SLC37A1: variants seen among roughly 807,000 people sequenced by gnomAD.
SLC37A1 encodes the protein glucose-6-phosphate exchanger SLC37A1.
Under a neutral mutation model 75.3 loss-of-function variants are expected in SLC37A1, and 49 were observed. The ratio of observed to expected loss-of-function variants is 0.65; its 90% CI spans 0.52 to 0.83. The LOEUF is 0.83. SLC37A1 is among the 40% of genes least tolerant of loss of function. The pLI is 0.00. For synonymous variants in SLC37A1, 268 were observed against 292.1 expected (o/e 0.92, Z 0.84); for missense variants, 566 against 695.0 (o/e 0.81, Z 2.09).
chr21:42,539,469 C>A (rs772960709), intron 5 of SLC37A1, 43 bp from the exon 6 acceptor site: 2 of 1,575,734 alleles, frequency 1.3e-6, no homozygotes, highest in East Asian at 2.3e-5. Flanking sequence ...AACATTCGGG[C>A]GTGTTTGTTA....
intron 13 of SLC37A1, 47 bp from the exon 14 acceptor site, chr21:42,564,661 C>T (rs371199104): frequency 2.0e-6 from 3 of 1,517,390 alleles, no homozygotes; most frequent in African/African-American, 2.7e-5. Context: ...TCCCCGTGGG[C>T]TCATGCCCTG....
chr21:42,523,129 A>G (rs2054694232), intron 2 of SLC37A1, among the ~76,000 whole-genome samples: 3 of 152,220 alleles, frequency 2.0e-5, no homozygotes, highest in Non-Finnish European at 4.4e-5. Flanking sequence ...GCTCTTCTCA[A>G]AATCCTTCCT....
At chr21:42,530,627 CA>C (rs2054927672) in intron 3 of SLC37A1, among the ~76,000 whole-genome samples, 2 of 110,314 alleles carry the variant, frequency 1.8e-5, no homozygotes, top group African/African-American at 3.2e-5. Flanking sequence ...CACACACACA[CA>C]CACACACACA....
At chr21:42,516,278 C>T (rs1382463911) in intron 1 of SLC37A1, among the ~76,000 whole-genome samples, 1 of 152,182 alleles carries the variant, frequency 6.6e-6, no homozygotes. Flanking sequence ...AGAAGAGTGG[C>T]TGGAGGGAGG....
chr21:42,513,445 G>A (rs1168392119), upstream of SLC37A1, among the ~76,000 whole-genome samples: 2 of 152,222 alleles, frequency 1.3e-5, no homozygotes, highest in Non-Finnish European at 2.9e-5. Context: ...ATAGAAGCCG[G>A]GAGGCCAAGC....
intron 2 of SLC37A1, among the ~76,000 whole-genome samples, chr21:42,524,110 T>C (rs930735427): frequency 1.3e-5 from 2 of 152,112 alleles, no homozygotes; most frequent in Non-Finnish European, 2.9e-5. Context: ...CTTTGTCCTG[T>C]GTAGGACGCC....
chr21:42,556,194 C>A (rs2055687067), intron 10 of SLC37A1, among the ~76,000 whole-genome samples: 1 of 152,246 alleles, frequency 6.6e-6, no homozygotes. Flanking sequence ...CAGGTCCCCG[C>A]GGGCGTTTTA....
intron 14 of SLC37A1, 107 bp downstream of exon 14, chr21:42,564,900 A>C: frequency 9.4e-7 from 1 of 1,068,338 alleles, no homozygotes; most frequent in Non-Finnish European, 1.4e-6. Context: ...CTTTCCTGAC[A>C]AGCCCGCTTC....
intron 10 of SLC37A1, 21 bp from the exon 11 acceptor site, chr21:42,558,937 T>C: frequency 6.2e-7 from 1 of 1,613,688 alleles, no homozygotes; most frequent in Non-Finnish European, 8.5e-7. Flanking sequence ...TCCTTTTTGT[T>C]CCCAATGGAT....
rs2056414699 is a variant in SLC37A1 at position 42,581,160 on chromosome 21, C to A, written c.*800C>A. 1 of 152,686 alleles carries A rather than the reference C, an allele frequency of 6.5e-6. No homozygotes were observed. Among genetic ancestry groups the A allele is most frequent in the Non-Finnish European group, 1.5e-5 (1 of 68,100 alleles). The allele number at this position is 152,686 out of a possible 1,614,324, so 9.5% of individuals were successfully genotyped here. On this transcript the variant is annotated 3_prime_UTR_variant, in exon 20 of 20. Coordinates refer to ENST00000352133, the MANE Select transcript of SLC37A1 (RefSeq NM_001320537.2). ...ACAGCAGAGGTTTGGGAAGCGGTCTCCCCACCGGCACTGGGATTGGCGGGT... is the reference window on the plus strand; with the variant it reads ...ACAGCAGAGGTTTGGGAAGCGGTCTACCCACCGGCACTGGGATTGGCGGGT...
intron 18 of SLC37A1, among the ~76,000 whole-genome samples, chr21:42,578,083 C>T (rs1374892811): frequency 6.6e-6 from 1 of 152,144 alleles, no homozygotes; most frequent in African/African-American, 2.4e-5. Flanking sequence ...ATCTTTTCAC[C>T]AAAATAGACA....
intron 3 of SLC37A1, among the ~76,000 whole-genome samples, chr21:42,532,792 A>G (rs1012349987): frequency 6.6e-5 from 10 of 152,198 alleles, no homozygotes; most frequent in Non-Finnish European, 8.8e-5. Context: ...CTGAGATGCC[A>G]GGAGGTCAGC....
chr21:42,520,596 G>A (rs1009589500), intron 2 of SLC37A1, among the ~76,000 whole-genome samples: 2 of 152,108 alleles, frequency 1.3e-5, no homozygotes, highest in African/African-American at 4.8e-5. Flanking sequence ...GAAAGTTCTC[G>A]GGATAAACTG....
chr21:42,542,093 A>G (rs1031994781), intron 6 of SLC37A1, among the ~76,000 whole-genome samples: 2 of 151,834 alleles, frequency 1.3e-5, no homozygotes, highest in African/African-American at 2.4e-5. Context: ...TTGGCCCCAC[A>G]CTGTTATGAG....
At chr21:42,507,966 TG>T (rs2054399222) in intron 2 of SLC37A1, among the ~76,000 whole-genome samples, 1 of 152,114 alleles carries the variant, frequency 6.6e-6, no homozygotes, top group Admixed American at 6.5e-5. Flanking sequence ...AAAGAGGATA[TG>T]AGTAATTTCA....
Position 42,539,546 on chromosome 21 carries a change from T to TA in SLC37A1, c.386dup (p.Tyr129Ter), listed in dbSNP as rs1269523221. Residue 129 changes from tyrosine to a stop codon, truncating the protein, a stop_gained and frameshift_variant, in exon 6 of 20, where the codon TAC becomes TAAC. Coordinates refer to ENST00000352133, the MANE Select transcript of SLC37A1 (RefSeq NM_001320537.2). LOFTEE classifies it high-confidence loss of function. ...IIGERLPIRY[Y>*]LTFGMLASGA... Reference sequence around the variant, plus strand: ...TGGGGAGCGCCTGCCGATTAGGTATTACCTAACTTTCGGGATGCTCGCCAG... The same window carrying TA: ...TGGGGAGCGCCTGCCGATTAGGTATTAACCTAACTTTCGGGATGCTCGCCAG... 1 of 1,613,776 alleles carries TA rather than the reference T, an allele frequency of 6.2e-7. No individual in the cohort carries two copies. Among genetic ancestry groups the TA allele is most frequent in the Non-Finnish European group, 8.5e-7 (1 of 1,179,950 alleles).
chr21:42,527,803 G>A (rs2054838602), intron 3 of SLC37A1, among the ~76,000 whole-genome samples: 2 of 152,232 alleles, frequency 1.3e-5, no homozygotes, highest in Admixed American at 6.5e-5. Context: ...GCTGCGATGT[G>A]CCTGGGCATG....
intron 9 of SLC37A1, among the ~76,000 whole-genome samples, chr21:42,553,828 A>G (rs139244233): frequency 2.6e-5 from 4 of 152,320 alleles, no homozygotes; most frequent in African/African-American, 7.2e-5. Context: ...GTATTTTTAC[A>G]TTTGATTACA....
chr21:42,508,937 C>T (rs536242380), upstream of SLC37A1, among the ~76,000 whole-genome samples: 11 of 152,248 alleles, frequency 7.2e-5, no homozygotes, highest in South Asian at 1.5e-3. Flanking sequence ...CTTGAAAGCT[C>T]CTCTCCTCCA....
Sources: allele counts gnomAD v4.1 joint callset (sites outside exome capture counted in the v4.1 genomes callset), GRCh38; gene constraint gnomAD v4.1.1; transcripts MANE v1.5; gene names NCBI Gene and HGNC (gene_info 2026-07-23, HGNC 2026-07-21).